The following MYO3A variants were observed in gnomAD, a reference collection of about 807,000 sequenced individuals.
MYO3A encodes the protein myosin-IIIa.
In MYO3A, 180 loss-of-function variants were observed where a neutral mutation model predicts 192.7. The observed-to-expected ratio is 0.93, with a 90% confidence interval of 0.83 to 1.06. The LOEUF is 1.06. Among genes scored for constraint, MYO3A ranks in the 50% least tolerant of loss-of-function variants. The pLI is 0.00. For synonymous variants in MYO3A, 628 were observed against 645.3 expected (o/e 0.97, Z 0.41); for missense variants, 1,896 against 1,905.0 (o/e 1.00, Z 0.09).
intron 6 of MYO3A, among the ~76,000 whole-genome samples, chr10:26,011,141 A>G (rs1841625255): frequency 6.6e-6 from 1 of 152,142 alleles, no homozygotes; most frequent in Admixed American, 6.5e-5. Context: ...AAAGATGATT[A>G]TTCCTGGCCC....
At chr10:26,092,274 T>C (rs1836747134) in intron 15 of MYO3A, among the ~76,000 whole-genome samples, 1 of 152,128 alleles carries the variant, frequency 6.6e-6, no homozygotes, top group African/African-American at 2.4e-5. Context: ...GAGACCATCC[T>C]GGCTACACGG....
rs1835907338 is a variant in MYO3A, at chr10:26,081,133, T to TCCCCCCCCCTTCCCCCCCCC, written c.1360-7061_1360-7060insTTCCCCCCCCCCCCCCCCCC. Among the ~76,000 whole-genome samples, 36 of 84,982 alleles carry TCCCCCCCCCTTCCCCCCCCC rather than the reference T, an allele frequency of 4.2e-4. 3 individuals carry two copies. Among genetic ancestry groups the TCCCCCCCCCTTCCCCCCCCC allele is most frequent in the Middle Eastern group, 8.3e-3 (1 of 120 alleles). 55.8% of individuals were successfully genotyped at this position (84,982 alleles called of 152,430 possible). A position where few individuals can be genotyped will look rare whatever the true frequency, so the allele number is the denominator to read the frequency against. ...TAGAATTCCCAAGATTATATGCCCTTCCCCCCCCCCCCGCCCCCGCTACCA... is the reference window on the plus strand; with the variant it reads ...TAGAATTCCCAAGATTATATGCCCTTCCCCCCCCCTTCCCCCCCCCCCCCCCCCCCCCGCCCCCGCTACCA... On this transcript the variant is annotated intron_variant, in intron 14 of 34. Transcript: ENST00000642920.
At chr10:26,006,363 C>T (rs1021926896) in intron 6 of MYO3A, among the ~76,000 whole-genome samples, 2 of 151,976 alleles carry the variant, frequency 1.3e-5, no homozygotes, top group Non-Finnish European at 2.9e-5. Flanking sequence ...TAGCAGAAGG[C>T]AAGAAATAAC....
chr10:26,153,810 G>C, intron 23 of MYO3A, 40 bp from the exon 24 acceptor site: 4 of 1,298,014 alleles, frequency 3.1e-6, no homozygotes, highest in Non-Finnish European at 4.5e-6. Flanking sequence ...AGCCATTAAG[G>C]ATTCTAAAAG....
At chr10:26,029,232 C>T (rs1339812) in intron 10 of MYO3A, among the ~76,000 whole-genome samples, 47,440 of 151,958 alleles carry the variant, frequency 0.31, 7,685 homozygotes, top group Middle Eastern at 0.44. Context: ...GATTCTGAGA[C>T]ACAAGATGTA....
intron 4 of MYO3A, among the ~76,000 whole-genome samples, chr10:25,995,830 C>T (rs1259059364): frequency 6.6e-6 from 1 of 152,232 alleles, no homozygotes; most frequent in African/African-American, 2.4e-5. Flanking sequence ...TATTGCTGAA[C>T]AGCAAATGTT....
chr10:25,939,836 C>A (rs552347216), intron 2 of MYO3A, among the ~76,000 whole-genome samples: 75 of 151,730 alleles, frequency 4.9e-4, no homozygotes, highest in African/African-American at 1.8e-3. Context: ...ATGTTAAAAT[C>A]TCCCATTAAA....
chr10:26,126,720 A>G (rs183957017), intron 19 of MYO3A, among the ~76,000 whole-genome samples: 5 of 152,304 alleles, frequency 3.3e-5, no homozygotes, highest in Non-Finnish European at 2.9e-5. Flanking sequence ...TCATTTTGTT[A>G]ATTATCATCT....
At chr10:26,114,989 A>C (rs1458173695) in intron 17 of MYO3A, among the ~76,000 whole-genome samples, 2 of 152,216 alleles carry the variant, frequency 1.3e-5, no homozygotes, top group African/African-American at 4.8e-5. Flanking sequence ...AATAACATGG[A>C]ATGCTTGGGA....
chr10:26,031,218 G>T (rs1249802210), intron 10 of MYO3A, among the ~76,000 whole-genome samples: 1 of 152,184 alleles, frequency 6.6e-6, no homozygotes, highest in Non-Finnish European at 1.5e-5. Flanking sequence ...GACAACATTG[G>T]ATGGCTCAGA....
intron 14 of MYO3A, among the ~76,000 whole-genome samples, chr10:26,085,779 T>A (rs1410536003): frequency 1.3e-5 from 2 of 152,226 alleles, no homozygotes; most frequent in Admixed American, 1.3e-4. Context: ...TGACTGCAAG[T>A]GTCCACAGTA....
intron 2 of MYO3A, among the ~76,000 whole-genome samples, chr10:25,946,837 G>A (rs533760009): frequency 8.7e-6 from 1 of 114,470 alleles, no homozygotes; most frequent in East Asian, 2.9e-4. Flanking sequence ...AAGATCACAC[G>A]ACTGCACTCT....
At chr10:26,040,820 A>G (rs1843304841) in intron 10 of MYO3A, among the ~76,000 whole-genome samples, 1 of 152,124 alleles carries the variant, frequency 6.6e-6, no homozygotes, top group Admixed American at 6.5e-5. Context: ...AACATATCAT[A>G]TATCTTTGAG....
Position 26,174,314 on chromosome 10 carries a change from G to A in MYO3A, c.4050G>A (p.Ala1350=), listed in dbSNP as rs771338383. Residue 1350 remains alanine (A), a synonymous_variant, in exon 30 of 35, where the codon GCG becomes GCA. Coordinates refer to ENST00000642920, the MANE Select transcript of MYO3A (RefSeq NM_017433.5). ...TQAQEEEDKA[A]VFIQSKYRGY... is the part of the protein sequence containing the mutation. Reference sequence around the variant, plus strand: ...CCCAGGAGGAAGAAGATAAAGCAGCGGTATTCATTCAGAGCAAATACCGGG... The same window carrying A: ...CCCAGGAGGAAGAAGATAAAGCAGCAGTATTCATTCAGAGCAAATACCGGG... 18 of 1,614,048 alleles carry A rather than the reference G, an allele frequency of 1.1e-5. No homozygotes were observed. The highest frequency in any genetic ancestry group is 2.2e-5 in the East Asian group (1 of 44,882).
At chr10:25,992,520 G>A (rs201909026) in intron 4 of MYO3A, among the ~76,000 whole-genome samples, 1 of 140,602 alleles carries the variant, frequency 7.1e-6, no homozygotes. Context: ...TTGCCTGATT[G>A]CCCTGGCCAG....
chr10:26,128,666 T>C (rs2131749852), intron 20 of MYO3A, 128 bp downstream of exon 20: 1 of 990,446 alleles, frequency 1.0e-6, no homozygotes, highest in African/African-American at 1.6e-5. Context: ...AGATTTTTAT[T>C]ATCTCCACGT....
chr10:26,176,595 T>G, intron 30 of MYO3A, 106 bp from the exon 31 acceptor site: 1 of 1,024,474 alleles, frequency 9.8e-7, no homozygotes, highest in Non-Finnish European at 1.5e-6. Context: ...GAGAGGAACA[T>G]GAGAGTCCCC....
chr10:25,990,962 G>C (rs186251407), intron 4 of MYO3A, among the ~76,000 whole-genome samples: 44 of 152,098 alleles, frequency 2.9e-4, no homozygotes, highest in African/African-American at 9.9e-4. Flanking sequence ...GAGTAGTGCC[G>C]CAATAAACAT....
At chr10:26,147,784 C>G (rs574480809) in intron 23 of MYO3A, among the ~76,000 whole-genome samples, 1 of 152,220 alleles carries the variant, frequency 6.6e-6, no homozygotes, top group South Asian at 2.1e-4. Flanking sequence ...AGCAGTCATG[C>G]AGAAAATGTG....
Sources: allele counts gnomAD v4.1 joint callset (sites outside exome capture counted in the v4.1 genomes callset), GRCh38; gene constraint gnomAD v4.1.1; transcripts MANE v1.5; gene names NCBI Gene and HGNC (gene_info 2026-07-23, HGNC 2026-07-21).